Variants in CRYBG1 observed in about 807,000 individuals in gnomAD.
CRYBG1 encodes the protein crystallin beta-gamma domain containing 1.
A neutral mutation model predicts 189.2 loss-of-function variants in CRYBG1; 139 were observed. The ratio of observed to expected loss-of-function variants is 0.73; its 90% CI spans 0.64 to 0.85. The LOEUF (loss-of-function observed/expected upper bound fraction) is 0.85. Ranked by LOEUF, CRYBG1 falls within the 40% of genes least tolerant of loss-of-function variation. The pLI, the probability that CRYBG1 is intolerant of heterozygous loss-of-function variation, is 0.00. For synonymous variants in CRYBG1, 1,023 were observed against 1,017.1 expected (o/e 1.01, Z -0.11); for missense variants, 2,611 against 2,675.8 (o/e 0.98, Z 0.53).
At chr6:106,500,461 A>T (rs1174836609) in intron 2 of CRYBG1, among the ~76,000 whole-genome samples, 4 of 149,318 alleles carry the variant, frequency 2.7e-5, no homozygotes, top group Non-Finnish European at 5.9e-5. Context: ...GGCTATTTGC[A>T]TGTCTTCTTT....
intron 1 of CRYBG1, among the ~76,000 whole-genome samples, chr6:106,376,076 A>G (rs568899707): frequency 1.3e-5 from 2 of 152,350 alleles, no homozygotes; most frequent in African/African-American, 4.8e-5. Flanking sequence ...GCAACCATGC[A>G]TAAGGGAGGA....
intron 2 of CRYBG1, among the ~76,000 whole-genome samples, chr6:106,466,437 T>G (rs1403388295): frequency 6.6e-6 from 1 of 152,204 alleles, no homozygotes; most frequent in Non-Finnish European, 1.5e-5. Flanking sequence ...TTCCTTATGT[T>G]TGGTACATGT....
chr6:106,437,774 A>G (rs1771489213), intron 1 of CRYBG1, among the ~76,000 whole-genome samples: 1 of 152,082 alleles, frequency 6.6e-6, no homozygotes, highest in Non-Finnish European at 1.5e-5. Flanking sequence ...TAATCGTAGG[A>G]AGTTGTTTTC....
At chr6:106,494,850 A>C (rs1417366574) in intron 2 of CRYBG1, among the ~76,000 whole-genome samples, 1 of 152,198 alleles carries the variant, frequency 6.6e-6, no homozygotes, top group Non-Finnish European at 1.5e-5. Flanking sequence ...TTTTTTAAAA[A>C]AGTGTAAGTA....
intron 9 of CRYBG1, among the ~76,000 whole-genome samples, chr6:106,539,781 G>A (rs1774088639): frequency 6.6e-6 from 1 of 151,850 alleles, no homozygotes; most frequent in Non-Finnish European, 1.5e-5. Context: ...GCTGCAGATG[G>A]GTGCGCAAAG....
At chr6:106,558,838 C>T (rs1774626467) in intron 18 of CRYBG1, among the ~76,000 whole-genome samples, 1 of 152,110 alleles carries the variant, frequency 6.6e-6, no homozygotes, top group South Asian at 2.1e-4. Context: ...TGGCACATGC[C>T]TGTGGCCCCA....
chr6:106,519,342 G>C lies in CRYBG1; in HGVS notation c.2134G>C (p.Val712Leu), dbSNP rs763700209. 1.3e-5 allele frequency: 21 copies of C among 1,614,182 alleles called. No individual in the cohort carries two copies. The highest frequency in any genetic ancestry group is 1.7e-5 in the Non-Finnish European group (20 of 1,180,036). The change falls in exon 4 of 22, where the codon GTT (valine) becomes CTT (leucine). Residue 712 changes from valine to leucine, a missense_variant. Coordinates refer to ENST00000633556, the MANE Select transcript of CRYBG1 (RefSeq NM_001371242.2). ...TACTCCTGCCTCTAGTAAAACGTTT[G>C]TTGGGAGGGCAAAGCTGAATTTAGC... Reference protein sequence around the residue: ...RNTPASSKTFVGRAKLNLAKK... With the variant: ...RNTPASSKTFLGRAKLNLAKK...
At position 106,511,736 on chromosome 6, in the gene CRYBG1, C is replaced by T. The variant is rs1026652609; in HGVS notation, c.619C>T (p.Pro207Ser). 3.6e-5 allele frequency: 56 copies of T among 1,535,198 alleles called. No individual in the cohort carries two copies. Among genetic ancestry groups the T allele is most frequent in the Non-Finnish European group, 4.7e-5 (54 of 1,146,622 alleles). ...CGAGAGCGGTGGCCCCGCAGCCCCC[C>T]CTGACGCCGAGCTGTCACCTCGCTG... ...LPESGGPAAP[P>S]DAELSPRWSS... is the part of the protein sequence containing the mutation. The change falls in exon 3 of 22, where the codon CCT (proline) becomes TCT (serine). Residue 207 changes from proline (P) to serine (S), a missense_variant. Transcript: ENST00000633556.
At chr6:106,390,549 G>A (rs1352998260) in intron 1 of CRYBG1, among the ~76,000 whole-genome samples, 1 of 151,932 alleles carries the variant, frequency 6.6e-6, no homozygotes, top group East Asian at 1.9e-4. Flanking sequence ...ATAAAAATAT[G>A]AAACATTACT....
rs139997199 is a variant in CRYBG1, at chr6:106,521,404, G to A, written c.4196G>A (p.Arg1399Gln). The A allele has an allele frequency of 1.7e-4, 273 of 1,605,486 alleles. 1 individual carries two copies. Among genetic ancestry groups the A allele is most frequent in the Non-Finnish European group, 2.1e-4 (248 of 1,177,466 alleles). The change falls in exon 4 of 22, where the codon CGG becomes CAG. Residue 1399 changes from arginine (R) to glutamine (Q), a missense_variant. By Grantham distance (43) the Arg-to-Gln change is conservative. Coordinates refer to ENST00000633556, the MANE Select transcript of CRYBG1 (RefSeq NM_001371242.2). ...TDFMGLFKSS[R>Q]YDPSISFSGM... Reference sequence around the variant, plus strand: ...TTCATGGGTCTTTTCAAATCAAGCCGGTATGACCCAAGCATTTCTTTTTCT... The same window carrying A: ...TTCATGGGTCTTTTCAAATCAAGCCAGTATGACCCAAGCATTTCTTTTTCT...
At chr6:106,528,461 C>T (rs1251342535) in intron 7 of CRYBG1, among the ~76,000 whole-genome samples, 3 of 152,108 alleles carry the variant, frequency 2.0e-5, no homozygotes, top group Non-Finnish European at 4.4e-5. Context: ...ATTTTCTACC[C>T]TTTGTTGGCC....
At chr6:106,466,838 A>G (rs760393104) in intron 2 of CRYBG1, among the ~76,000 whole-genome samples, 3 of 152,210 alleles carry the variant, frequency 2.0e-5, no homozygotes, top group Non-Finnish European at 4.4e-5. Flanking sequence ...GTAGAGCCCA[A>G]TCTTTAAATT....
chr6:106,527,921 T>C (rs910393613), intron 7 of CRYBG1, among the ~76,000 whole-genome samples: 3 of 152,240 alleles, frequency 2.0e-5, no homozygotes, highest in Non-Finnish European at 2.9e-5. Flanking sequence ...AAATATTATT[T>C]ACTCTATTTG....
intron 1 of CRYBG1, among the ~76,000 whole-genome samples, chr6:106,391,971 G>GCA (rs1491168762): frequency 7.9e-5 from 4 of 50,634 alleles, no homozygotes; most frequent in Admixed American, 6.5e-4. Flanking sequence ...GTGTGTGTGT[G>GCA]CGTGCGCGTT....
In CRYBG1 at chr6:106,544,597, T is replaced by C. The variant is rs61741860; in HGVS notation, c.5066T>C (p.Phe1689Ser). The C allele has an allele frequency of 9.1e-4, 1,463 of 1,613,938 alleles. 11 individuals carry two copies. The African/African-American group carries it at 0.018, about 20-fold the overall frequency. The part of the protein sequence containing the change: ...GIWVAYEKPG[F>S]TGHQYLLEEG... Reference sequence around the variant, plus strand: ...TGGGTTGCATATGAGAAACCTGGATTTACCGGTCATCAGTATTTGCTAGAA... The same window carrying C: ...TGGGTTGCATATGAGAAACCTGGATCTACCGGTCATCAGTATTTGCTAGAA... Residue 1689 changes from phenylalanine to serine, a missense_variant, in exon 12 of 22, where the codon TTT becomes TCT. By Grantham distance (155) the Phe-to-Ser change is radical. Around this residue, in one of 3 missense-constraint regions of CRYBG1, gnomAD observed 1,622 missense variants for 1,735.0 expected, o/e 0.93. Transcript: ENST00000633556.
At chr6:106,379,673 C>G (rs914696747) in intron 1 of CRYBG1, among the ~76,000 whole-genome samples, 6 of 152,080 alleles carry the variant, frequency 3.9e-5, no homozygotes, top group African/African-American at 1.4e-4. Context: ...ATCCTCCCGC[C>G]TTAGCCTCCT....
intron 1 of CRYBG1, among the ~76,000 whole-genome samples, chr6:106,415,382 G>A (rs1242479850): frequency 1.3e-5 from 2 of 152,170 alleles, no homozygotes; most frequent in South Asian, 2.1e-4. Context: ...GGTTGGGCAG[G>A]GAGGAGAGGA....
chr6:106,407,524 G>C lies in CRYBG1; in HGVS notation c.174-44170G>C, dbSNP rs192107685. 2.2e-3 allele frequency among the ~76,000 whole-genome samples: 333 copies of C among 151,686 alleles called. 2 individuals are homozygous for C. Among genetic ancestry groups the C allele is most frequent in the African/African-American group, 7.9e-3 (328 of 41,442 alleles). ...TATTCAGGACTCGAACTCAGCTCTG[G>C]ACCTAATAGACATCTACAGAACTCT... On this transcript the variant is annotated intron_variant, in intron 1 of 21. Coordinates refer to ENST00000633556, the MANE Select transcript of CRYBG1 (RefSeq NM_001371242.2).
intron 8 of CRYBG1, among the ~76,000 whole-genome samples, chr6:106,531,020 G>C (rs540231603): frequency 5.3e-5 from 8 of 152,134 alleles, no homozygotes; most frequent in Non-Finnish European, 1.0e-4. Flanking sequence ...CAGTGGTAAT[G>C]TATATAATTT....
Sources: gnomAD v4.1 joint callset for allele counts (sites outside exome capture counted in the v4.1 genomes callset) on GRCh38, gnomAD v4.1.1 for gene constraint, gnomAD v4.1.1 regional missense constraint, MANE v1.5 for transcripts, NCBI Gene and HGNC (gene_info 2026-07-23, HGNC 2026-07-21) for gene names.